Variants in ZBTB2 observed in about 807,000 individuals in gnomAD.
The protein encoded by ZBTB2 is zinc finger and BTB domain containing 2.
ZBTB2 carries 2 observed loss-of-function variants against 39.5 expected under a neutral mutation model. The ratio of observed to expected loss-of-function variants is 0.05; its 90% CI spans 0.02 to 0.16. The LOEUF is 0.16. ZBTB2 is among the 10% of genes least tolerant of loss of function. ZBTB2 has a pLI of 1.00. For synonymous variants in ZBTB2, 251 were observed against 256.6 expected (o/e 0.98, Z 0.21); for missense variants, 391 against 653.0 (o/e 0.60, Z 4.37).
At chr6:151,373,869 A>AAAAC (rs1778842696) in intron 1 of ZBTB2, among the ~76,000 whole-genome samples, 2 of 147,222 alleles carry the variant, frequency 1.4e-5, no homozygotes, top group African/African-American at 5.0e-5. Flanking sequence ...AAAAAAAAAA[A>AAAAC]AAAAAAAACC....
chr6:151,388,359 C>T (rs978391347), intron 1 of ZBTB2, among the ~76,000 whole-genome samples: 2 of 152,162 alleles, frequency 1.3e-5, no homozygotes, highest in Non-Finnish European at 2.9e-5. Flanking sequence ...AAGGGCAGTT[C>T]CCACCTCTAA....
intron 1 of ZBTB2, among the ~76,000 whole-genome samples, chr6:151,377,345 G>C (rs1471005781): frequency 6.6e-6 from 1 of 151,536 alleles, no homozygotes; most frequent in Non-Finnish European, 1.5e-5. Context: ...GCATGACTCT[G>C]TAATGCTCTC....
intron 1 of ZBTB2, among the ~76,000 whole-genome samples, chr6:151,373,877 AC>A (rs1311811015): frequency 9.0e-4 from 130 of 144,562 alleles, no homozygotes; most frequent in African/African-American, 2.8e-3. Context: ...AAAAAAAAAA[AC>A]CAGATGATGC....
At chr6:151,375,499 T>C (rs1778887421) in intron 1 of ZBTB2, among the ~76,000 whole-genome samples, 1 of 152,218 alleles carries the variant, frequency 6.6e-6, no homozygotes, top group African/African-American at 2.4e-5. Flanking sequence ...TTTTTGTAGA[T>C]ATAGACAAAA....
intron 2 of ZBTB2, among the ~76,000 whole-genome samples, chr6:151,369,404 GT>G (rs1389606858): frequency 6.6e-6 from 1 of 152,110 alleles, no homozygotes; most frequent in East Asian, 1.9e-4. Context: ...CCAGGCTGGA[GT>G]GCAGTGGCAT....
intron 1 of ZBTB2, among the ~76,000 whole-genome samples, chr6:151,384,591 T>TATC (rs547018404): frequency 1.3e-3 from 202 of 152,342 alleles, no homozygotes; most frequent in African/African-American, 4.7e-3. Context: ...CCTAGACTTC[T>TATC]TATTTGTATA....
intron 1 of ZBTB2, among the ~76,000 whole-genome samples, chr6:151,376,739 C>A (rs919908556): frequency 6.6e-6 from 1 of 152,140 alleles, no homozygotes; most frequent in Non-Finnish European, 1.5e-5. Context: ...TCATACACTG[C>A]TGGTAGGAAT....
chr6:151,387,281 T>C (rs1269712540), intron 1 of ZBTB2, among the ~76,000 whole-genome samples: 2 of 152,070 alleles, frequency 1.3e-5, no homozygotes, highest in East Asian at 3.9e-4. Context: ...TACCCACTCA[T>C]GATTTTTAAC....
At chr6:151,373,071 C>T (rs570898418) in intron 2 of ZBTB2, among the ~76,000 whole-genome samples, 36 of 135,756 alleles carry the variant, frequency 2.7e-4, no homozygotes, top group African/African-American at 8.7e-4. Flanking sequence ...AGGAGAATGG[C>T]GTGAACCCGG....
At chr6:151,379,606 C>G (rs9479026) in intron 1 of ZBTB2, among the ~76,000 whole-genome samples, 6 of 136,746 alleles carry the variant, frequency 4.4e-5, no homozygotes, top group African/African-American at 1.7e-4. Flanking sequence ...AGCGTGCACT[C>G]TAGCCTGGGA....
At chr6:151,380,283 A>AC (rs1406632784) in intron 1 of ZBTB2, among the ~76,000 whole-genome samples, 1 of 152,058 alleles carries the variant, frequency 6.6e-6, no homozygotes, top group Non-Finnish European at 1.5e-5. Flanking sequence ...CAAAACCAAA[A>AC]CCCCTAGACT....
At chr6:151,377,346 T>C (rs1317048217) in intron 1 of ZBTB2, among the ~76,000 whole-genome samples, 1 of 151,810 alleles carries the variant, frequency 6.6e-6, no homozygotes, top group East Asian at 1.9e-4. Context: ...CATGACTCTG[T>C]AATGCTCTCA....
chr6:151,389,857 T>C (rs1456816519), intron 1 of ZBTB2, among the ~76,000 whole-genome samples: 1 of 152,136 alleles, frequency 6.6e-6, no homozygotes, highest in East Asian at 1.9e-4. Context: ...TTATTGCCTC[T>C]TTTACTACCA....
chr6:151,366,201 T>A lies in ZBTB2; in HGVS notation c.865A>T (p.Ser289Cys). The change falls in exon 3 of 3, where the codon AGT (serine) becomes TGT (cysteine). Residue 289 changes from serine to cysteine, a missense_variant. Physicochemically the swap from Ser to Cys is moderately radical, Grantham distance 112 (BLOSUM62 -1). This residue lies in a region of ZBTB2 where 80 missense variants were observed against 125.2 expected (regional missense o/e 0.64). Transcript: ENST00000325144. This position sits in a 1 kb window ranked among gnomAD's most constrained non-coding sequence, Gnocchi z 7.1. ...VPFTSSQQGE[S>C]RVPLTLCSNA... ...CTACAGAGAGTCAGGGGGACGCGAC[T>A]TTCTCCCTGTTGGCTAGATGTGAAA... 1.2e-6 allele frequency: 2 copies of A among 1,614,130 alleles called. No homozygotes were observed. Among genetic ancestry groups the A allele is most frequent in the Non-Finnish European group, 1.7e-6 (2 of 1,180,020 alleles).
intron 1 of ZBTB2, among the ~76,000 whole-genome samples, chr6:151,374,635 A>C (rs978699918): frequency 1.3e-5 from 2 of 152,174 alleles, no homozygotes; most frequent in Non-Finnish European, 2.9e-5. Context: ...GATTGGGAAC[A>C]AGGCAAAGAT....
intron 1 of ZBTB2, among the ~76,000 whole-genome samples, chr6:151,382,904 T>C (rs1215443450): frequency 6.6e-6 from 1 of 151,986 alleles, no homozygotes; most frequent in Non-Finnish European, 1.5e-5. Context: ...AAAATGTTAC[T>C]TTAATACATT....
intron 2 of ZBTB2, 152 bp from the exon 3 acceptor site, chr6:151,367,044 C>G: frequency 1.2e-6 from 1 of 835,038 alleles, no homozygotes; most frequent in Admixed American, 3.2e-5. Context: ...ATGAAATAAT[C>G]AAGAGACGAA....
At chr6:151,377,967 T>C (rs1197226971) in intron 1 of ZBTB2, 1 of 152,094 alleles carries the variant, frequency 6.6e-6, no homozygotes, top group Non-Finnish European at 1.5e-5. Flanking sequence ...CAAAGTAGAC[T>C]CAGCAATTTT....
At chr6:151,372,233 G>A (rs983391043) in intron 2 of ZBTB2, among the ~76,000 whole-genome samples, 1 of 152,234 alleles carries the variant, frequency 6.6e-6, no homozygotes, top group Non-Finnish European at 1.5e-5. Context: ...AACAGCAGAT[G>A]CTGGAGGACA....
Sources: allele counts gnomAD v4.1 joint callset (sites outside exome capture counted in the v4.1 genomes callset), GRCh38; gene constraint gnomAD v4.1.1; regional missense constraint gnomAD v4.1.1; non-coding constraint Gnocchi (gnomAD v3.1); transcripts MANE v1.5; gene names NCBI Gene and HGNC (gene_info 2026-07-23, HGNC 2026-07-21).